Variants in KCNH5 observed in about 807,000 individuals in gnomAD.
KCNH5 encodes the protein voltage-gated delayed rectifier potassium channel KCNH5.
In KCNH5, 46 loss-of-function variants were observed where a neutral mutation model predicts 96.1. The ratio of observed to expected loss-of-function variants is 0.48; its 90% CI spans 0.38 to 0.61. The LOEUF (loss-of-function observed/expected upper bound fraction) is 0.61. Among genes scored for constraint, KCNH5 ranks in the 20% least tolerant of loss-of-function variants. KCNH5 has a pLI of 0.00. For synonymous variants in KCNH5, 439 were observed against 449.8 expected (o/e 0.98, Z 0.30); for missense variants, 907 against 1,225.8 (o/e 0.74, Z 3.88).
intron 7 of KCNH5, among the ~76,000 whole-genome samples, chr14:62,916,488 A>C (rs1039629475): frequency 2.2e-4 from 33 of 152,250 alleles, no homozygotes; most frequent in African/African-American, 7.7e-4. Flanking sequence ...GATGTGAGAA[A>C]TAATTAACTT....
In KCNH5 at chr14:62,981,266, T is replaced by G; in HGVS notation, c.550-2A>C. On this transcript the variant is annotated splice_acceptor_variant, in intron 5 of 10. Coordinates refer to ENST00000322893, the MANE Select transcript of KCNH5 (RefSeq NM_139318.5). LOFTEE classifies it high-confidence loss of function. Reference sequence around the variant, plus strand: ...GATATCTGATCCCAGCTGAAGAACCTAAAAGAGAGAAAATGTATTTATACA... The same window carrying G: ...GATATCTGATCCCAGCTGAAGAACCGAAAAGAGAGAAAATGTATTTATACA... 1 of 1,613,578 alleles carries G rather than the reference T, an allele frequency of 6.2e-7. No individual in the cohort carries two copies. Among genetic ancestry groups the G allele is most frequent in the Non-Finnish European group, 8.5e-7 (1 of 1,179,774 alleles).
In KCNH5 at chr14:63,027,446, T is replaced by C. The variant is rs541001755; in HGVS notation, c.74-10492A>G. Among the ~76,000 whole-genome samples the C allele has an allele frequency of 4.7e-5, 7 of 150,462 alleles. No homozygotes were observed. In the East Asian group the frequency reaches 7.9e-4, roughly 17 times the overall value. ...ACATATATCAAAGCATTATGTTTCC[T>C]AGACTATCTTTTTAAAAACTTCAAG... On this transcript the variant is annotated intron_variant, in intron 1 of 10. Coordinates refer to ENST00000322893, the MANE Select transcript of KCNH5 (RefSeq NM_139318.5).
intron 7 of KCNH5, among the ~76,000 whole-genome samples, chr14:62,889,333 C>T (rs150665249): frequency 7.2e-4 from 110 of 152,274 alleles, no homozygotes; most frequent in African/African-American, 2.5e-3. Context: ...TGAAAACCTC[C>T]CCCTCACAGA....
intron 5 of KCNH5, among the ~76,000 whole-genome samples, chr14:62,985,792 C>G (rs1890695651): frequency 6.6e-6 from 1 of 152,092 alleles, no homozygotes; most frequent in South Asian, 2.1e-4. Flanking sequence ...AGTGCCAGAC[C>G]CATAAATCTC....
chr14:63,037,696 G>C (rs1433240234), intron 1 of KCNH5, among the ~76,000 whole-genome samples: 2 of 152,156 alleles, frequency 1.3e-5, no homozygotes, highest in African/African-American at 4.8e-5. Context: ...TCGATTTTTA[G>C]TTAGATATGG....
chr14:62,893,280 G>C (rs903367878), intron 7 of KCNH5, among the ~76,000 whole-genome samples: 2 of 152,092 alleles, frequency 1.3e-5, no homozygotes, highest in Non-Finnish European at 2.9e-5. Flanking sequence ...AGATGTGGTG[G>C]GGATACCAAG....
intron 7 of KCNH5, among the ~76,000 whole-genome samples, chr14:62,860,092 T>C (rs1021033253): frequency 6.6e-6 from 1 of 152,210 alleles, no homozygotes; most frequent in Admixed American, 6.5e-5. Flanking sequence ...ACCCAGTTCA[T>C]GATAGACAGT....
intron 7 of KCNH5, among the ~76,000 whole-genome samples, chr14:62,907,127 T>C (rs1249080474): frequency 6.6e-6 from 1 of 152,228 alleles, no homozygotes; most frequent in Non-Finnish European, 1.5e-5. Flanking sequence ...CTCTCCTTAA[T>C]TCTTTATTAA....
At chr14:62,920,636 T>C (rs1240009563) in intron 7 of KCNH5, among the ~76,000 whole-genome samples, 1 of 152,088 alleles carries the variant, frequency 6.6e-6, no homozygotes, top group East Asian at 1.9e-4. Flanking sequence ...AAAAAAATGC[T>C]TGAAACAAAC....
chr14:62,857,480 G>C (rs1475274762), intron 7 of KCNH5, among the ~76,000 whole-genome samples: 1 of 152,168 alleles, frequency 6.6e-6, no homozygotes, highest in African/African-American at 2.4e-5. Context: ...AATATATAAA[G>C]GGAAGTTTAT....
chr14:62,711,443 G>C (rs2355061), intron 10 of KCNH5, among the ~76,000 whole-genome samples: 139,434 of 152,164 alleles, frequency 0.92, 64,159 homozygotes, highest in East Asian at 1. Context: ...TCGAGCTCTG[G>C]TACATTAGAT....
chr14:62,996,362 C>T (rs921070726), intron 4 of KCNH5, among the ~76,000 whole-genome samples: 1 of 152,088 alleles, frequency 6.6e-6, no homozygotes, highest in Admixed American at 6.5e-5. Flanking sequence ...AGAGAAGTCT[C>T]AAAAGTCTAT....
chr14:62,814,860 T>C (rs1371261597), intron 8 of KCNH5, among the ~76,000 whole-genome samples: 1 of 139,064 alleles, frequency 7.2e-6, no homozygotes. Flanking sequence ...TGGAAAATCA[T>C]CTGGCTATAT....
At position 62,950,126 on chromosome 14, in the gene KCNH5, T is replaced by G; in HGVS notation, c.1369+7A>C. 1 of 1,612,272 alleles carries G rather than the reference T, an allele frequency of 6.2e-7. No homozygotes were observed. The highest frequency in any genetic ancestry group is 8.5e-7 in the Non-Finnish European group (1 of 1,179,116). Reference sequence around the variant, plus strand: ...ATAATTTTCAATGAAAAAATTAAAATACTTACAGCCAACCATCATCATAGC... The same window carrying G: ...ATAATTTTCAATGAAAAAATTAAAAGACTTACAGCCAACCATCATCATAGC... On this transcript the variant is annotated splice_region_variant and intron_variant, in intron 7 of 10. Transcript: ENST00000322893.
chr14:62,776,738 T>G (rs1053062010), intron 10 of KCNH5, among the ~76,000 whole-genome samples: 1 of 152,182 alleles, frequency 6.6e-6, no homozygotes, highest in African/African-American at 2.4e-5. Flanking sequence ...TAGTTATAGC[T>G]CTAGAATTTT....
At chr14:62,886,641 T>C (rs1404615233) in intron 7 of KCNH5, among the ~76,000 whole-genome samples, 1 of 152,222 alleles carries the variant, frequency 6.6e-6, no homozygotes, top group Non-Finnish European at 1.5e-5. Context: ...GAGCTCTTTG[T>C]CTGAAAACTG....
intron 7 of KCNH5, among the ~76,000 whole-genome samples, chr14:62,915,291 G>A (rs1007065844): frequency 6.6e-5 from 10 of 152,140 alleles, no homozygotes; most frequent in Admixed American, 1.3e-4. Flanking sequence ...TGAGAGCGGG[G>A]ACTATATGTT....
chr14:62,796,441 C>T (rs188299999), intron 9 of KCNH5, among the ~76,000 whole-genome samples: 7 of 152,238 alleles, frequency 4.6e-5, no homozygotes, highest in Admixed American at 3.3e-4. Flanking sequence ...TTCCCAACCC[C>T]ATAACAATTT....
At chr14:62,997,879 G>C (rs1273641587) in intron 4 of KCNH5, among the ~76,000 whole-genome samples, 5 of 123,164 alleles carry the variant, frequency 4.1e-5, no homozygotes, top group Non-Finnish European at 7.9e-5. Flanking sequence ...CAACCTGGGG[G>C]ACAGAGCCAG....
Sources: gnomAD v4.1 joint callset for allele counts (sites outside exome capture counted in the v4.1 genomes callset) on GRCh38, gnomAD v4.1.1 for gene constraint, MANE v1.5 for transcripts, NCBI Gene and HGNC (gene_info 2026-07-23, HGNC 2026-07-21) for gene names.